The following SDK1 variants were observed in gnomAD, a reference collection of about 807,000 sequenced individuals.
SDK1 encodes the protein sidekick cell adhesion molecule 1.
SDK1 carries 157 observed loss-of-function variants against 245.5 expected under a neutral mutation model. The ratio of observed to expected loss-of-function variants is 0.64; its 90% CI spans 0.56 to 0.73. SDK1 has a LOEUF of 0.73. Among genes scored for constraint, SDK1 ranks in the 30% least tolerant of loss-of-function variants. SDK1 has a pLI of 0.00. For missense variants in SDK1, 3,583 were observed against 3,002.3 expected, an observed-to-expected ratio of 1.19 and a Z score of -4.52; for synonymous variants, 1,647 against 1,278.5, an observed-to-expected ratio of 1.29 and a Z score of -6.15.
At chr7:3,486,428 A>G (rs1312200594) in intron 1 of SDK1, among the ~76,000 whole-genome samples, 1 of 151,932 alleles carries the variant, frequency 6.6e-6, no homozygotes, top group African/African-American at 2.4e-5. Flanking sequence ...TTTATGTCTA[A>G]TAATTTATTC....
intron 1 of SDK1, among the ~76,000 whole-genome samples, chr7:3,541,077 T>A (rs899782818): frequency 6.6e-6 from 1 of 152,226 alleles, no homozygotes; most frequent in Non-Finnish European, 1.5e-5. Flanking sequence ...CACAATCATT[T>A]CCGTTTTCTA....
intron 1 of SDK1, among the ~76,000 whole-genome samples, chr7:3,526,822 A>G (rs1783152533): frequency 6.6e-6 from 1 of 152,146 alleles, no homozygotes; most frequent in Non-Finnish European, 1.5e-5. Flanking sequence ...CCACTAGAGT[A>G]TGCATTTTTG....
At chr7:3,557,126 A>C (rs1779613724) in intron 1 of SDK1, among the ~76,000 whole-genome samples, 1 of 152,104 alleles carries the variant, frequency 6.6e-6, no homozygotes, top group Non-Finnish European at 1.5e-5. Flanking sequence ...ACAAAACTGA[A>C]AATAGGGAAA....
intron 1 of SDK1, among the ~76,000 whole-genome samples, chr7:3,456,501 C>G (rs1780672058): frequency 6.6e-6 from 1 of 152,210 alleles, no homozygotes; most frequent in Non-Finnish European, 1.5e-5. Flanking sequence ...TCTTATTGAG[C>G]TCATTCAGTG....
chr7:3,306,872 A>C (rs1779429836), intron 1 of SDK1, among the ~76,000 whole-genome samples: 1 of 152,124 alleles, frequency 6.6e-6, no homozygotes, highest in African/African-American at 2.4e-5. Context: ...AGCTGACTGA[A>C]ACTAGAGAAT....
At chr7:4,213,931 A>AC (rs1248965357) in intron 38 of SDK1, among the ~76,000 whole-genome samples, 1 of 152,084 alleles carries the variant, frequency 6.6e-6, no homozygotes, top group Admixed American at 6.6e-5. Flanking sequence ...ATACACAGGC[A>AC]CCCCCCAGGT....
intron 5 of SDK1, among the ~76,000 whole-genome samples, chr7:3,942,869 C>T (rs965993976): frequency 6.6e-6 from 1 of 152,182 alleles, no homozygotes; most frequent in Non-Finnish European, 1.5e-5. Flanking sequence ...GTTCATGTTG[C>T]CCATGTCCAC....
intron 44 of SDK1, among the ~76,000 whole-genome samples, chr7:4,251,183 A>G (rs1461841136): frequency 6.6e-6 from 1 of 152,222 alleles, no homozygotes; most frequent in African/African-American, 2.4e-5. Flanking sequence ...TTAAAAATGC[A>G]TTCATCAGTT....
intron 1 of SDK1, among the ~76,000 whole-genome samples, chr7:3,395,579 C>T (rs376417545): frequency 1.3e-5 from 2 of 151,844 alleles, no homozygotes; most frequent in Non-Finnish European, 2.9e-5. Context: ...ATTATTTCCT[C>T]CTTCAGTGTT....
intron 1 of SDK1, among the ~76,000 whole-genome samples, chr7:3,384,760 C>T (rs1429346298): frequency 7.2e-5 from 11 of 152,164 alleles, no homozygotes; most frequent in African/African-American, 2.7e-4. Context: ...TATAAATATA[C>T]CAGTATACAT....
chr7:4,181,921 C>CT (rs1347737262), intron 35 of SDK1, among the ~76,000 whole-genome samples: 2 of 151,922 alleles, frequency 1.3e-5, no homozygotes, highest in South Asian at 2.1e-4. Flanking sequence ...CTTTATGCAT[C>CT]TTTTTTTTCT....
chr7:4,241,870 C>T lies in SDK1; in HGVS notation c.6208C>T (p.His2070Tyr). Residue 2070 changes from histidine (H) to tyrosine (Y), a missense_variant, in exon 43 of 45, where the codon CAC (histidine) becomes TAC (tyrosine). His to Tyr is a moderately conservative substitution (Grantham distance 83). Coordinates refer to ENST00000404826, the MANE Select transcript of SDK1 (RefSeq NM_152744.4). ...GFAALELSSR[H>Y]LNVKSTFSKK... ...TGCTGCCCTGGAGCTCAGCAGCCGCCACCTCAATGTCAAGAGCACCTTCTC... is the reference window on the plus strand; with the variant it reads ...TGCTGCCCTGGAGCTCAGCAGCCGCTACCTCAATGTCAAGAGCACCTTCTC... 6.2e-7 allele frequency: 1 copy of T among 1,614,096 alleles called. No homozygotes were observed.
At chr7:3,526,617 G>A (rs187523012) in intron 1 of SDK1, among the ~76,000 whole-genome samples, 2 of 152,284 alleles carry the variant, frequency 1.3e-5, no homozygotes, top group African/African-American at 4.8e-5. Flanking sequence ...GCTGGATGAA[G>A]TGGTTACTTT....
intron 1 of SDK1, among the ~76,000 whole-genome samples, chr7:3,330,132 T>C (rs1472968055): frequency 6.6e-6 from 1 of 152,226 alleles, no homozygotes; most frequent in Admixed American, 6.5e-5. Context: ...ATTTTCACTT[T>C]CTGGTGTCTG....
At chr7:3,380,115 C>G (rs1164703782) in intron 1 of SDK1, among the ~76,000 whole-genome samples, 1 of 152,104 alleles carries the variant, frequency 6.6e-6, no homozygotes, top group East Asian at 1.9e-4. Context: ...TTCAACTTTT[C>G]TATGACTGTG....
At chr7:3,944,811 G>A (rs1780509572) in intron 5 of SDK1, among the ~76,000 whole-genome samples, 1 of 152,150 alleles carries the variant, frequency 6.6e-6, no homozygotes, top group African/African-American at 2.4e-5. Context: ...TGAAGGATGA[G>A]AACAAACACC....
chr7:3,580,934 A>G (rs1390931043), intron 1 of SDK1, among the ~76,000 whole-genome samples: 3 of 134,692 alleles, frequency 2.2e-5, no homozygotes, highest in Admixed American at 8.6e-5. Context: ...GCACCACCAC[A>G]TTCCAGCCTA....
intron 35 of SDK1, among the ~76,000 whole-genome samples, chr7:4,181,327 G>T (rs1162462988): frequency 6.6e-6 from 1 of 152,170 alleles, no homozygotes; most frequent in Admixed American, 6.5e-5. Flanking sequence ...TACCGCATCT[G>T]GTGTGTCTGC....
At chr7:3,690,909 T>C (rs1219375360) in intron 4 of SDK1, among the ~76,000 whole-genome samples, 1 of 152,246 alleles carries the variant, frequency 6.6e-6, no homozygotes, top group African/African-American at 2.4e-5. Flanking sequence ...ACTCATATTA[T>C]AGCCTGGATG....
Sources: allele counts gnomAD v4.1 joint callset (sites outside exome capture counted in the v4.1 genomes callset), GRCh38; gene constraint gnomAD v4.1.1; transcripts MANE v1.5; gene names NCBI Gene and HGNC (gene_info 2026-07-23, HGNC 2026-07-21).